Variants in CNTN4 observed in about 807,000 individuals in gnomAD.
CNTN4 encodes the protein contactin 4.
Under a neutral mutation model 122.5 loss-of-function variants are expected in CNTN4, and 77 were observed. That is an observed-to-expected ratio of 0.63 (90% confidence interval 0.52 to 0.76). The LOEUF is 0.76. Among genes scored for constraint, CNTN4 ranks in the 30% least tolerant of loss-of-function variants. The probability of loss-of-function intolerance (pLI) is 0.00; values close to 1 mark genes in which losing one functional copy is unlikely to be tolerated. For missense variants in CNTN4, 1,256 were observed against 1,259.1 expected (o/e 1.00, Z 0.04); for synonymous variants, 512 against 447.0 (o/e 1.15, Z -1.83).
chr3:2,198,297 AT>A (rs755883412), intron 2 of CNTN4, among the ~76,000 whole-genome samples: 5 of 152,216 alleles, frequency 3.3e-5, no homozygotes, highest in Admixed American at 6.5e-5. Flanking sequence ...ACAGCAAAAA[AT>A]AATGACTTTG....
At chr3:2,251,982 A>G (rs894025967) in intron 2 of CNTN4, among the ~76,000 whole-genome samples, 1 of 151,926 alleles carries the variant, frequency 6.6e-6, no homozygotes, top group South Asian at 2.1e-4. Flanking sequence ...AGTTTCATTG[A>G]TTTAATTTTA....
rs371157130 is a variant in CNTN4 at position 2,778,077 on chromosome 3, G to A, written c.358+32380G>A. On this transcript the variant is annotated intron_variant, in intron 6 of 24. Coordinates refer to ENST00000418658, the MANE Select transcript of CNTN4 (RefSeq NM_175607.3). ...AAAATACAAAAAATTAGCCGGGCGT[G>A]GTGGCGGGCGCCTGTAGTCCCAGCT... Among the ~76,000 whole-genome samples the A allele has an allele frequency of 2.4e-4, 35 of 147,350 alleles. 1 individual carries two copies. The East Asian group carries it at 4.4e-3, about 19-fold the overall frequency.
intron 6 of CNTN4, among the ~76,000 whole-genome samples, chr3:2,804,901 G>T (rs1011089186): frequency 2.0e-5 from 3 of 152,124 alleles, no homozygotes; most frequent in Non-Finnish European, 4.4e-5. Flanking sequence ...TCGGCCAGGC[G>T]TGGTGGCTCA....
At chr3:2,599,443 T>C (rs1398211001) in intron 4 of CNTN4, among the ~76,000 whole-genome samples, 1 of 152,226 alleles carries the variant, frequency 6.6e-6, no homozygotes, top group Admixed American at 6.5e-5. Context: ...GTGGACCTTT[T>C]ATTCTGATGC....
intron 6 of CNTN4, among the ~76,000 whole-genome samples, chr3:2,764,171 C>T (rs556543725): frequency 1.3e-5 from 2 of 152,220 alleles, no homozygotes; most frequent in East Asian, 1.9e-4. Flanking sequence ...CTCATCTTAA[C>T]TAGTTCATGT....
intron 3 of CNTN4, among the ~76,000 whole-genome samples, chr3:2,453,672 A>T (rs1357016507): frequency 6.6e-6 from 1 of 152,176 alleles, no homozygotes; most frequent in Non-Finnish European, 1.5e-5. Flanking sequence ...TATCTATGGG[A>T]TATCAATTCT....
In CNTN4 at chr3:2,571,536, A is replaced by T; in HGVS notation, c.33A>T (p.Gln11His). 1 of 1,613,914 alleles carries T rather than the reference A, an allele frequency of 6.2e-7. No individual in the cohort carries two copies. The highest frequency in any genetic ancestry group is 2.2e-5 in the East Asian group (1 of 44,872). The stretch of plus-strand genomic sequence containing the variant: ...TGCCATGGGAACTGCTGGTACTGCA[A>T]TCATTCATTTTGTGCCTTGCAGGTA... MRLPWELLVL[Q>H]SFILCLADDS... Residue 11 changes from glutamine to histidine, a missense_variant, in exon 4 of 25, where the codon CAA becomes CAT. Transcript: ENST00000418658.
At chr3:2,365,511 A>C (rs2045343523) in intron 3 of CNTN4, among the ~76,000 whole-genome samples, 1 of 152,214 alleles carries the variant, frequency 6.6e-6, no homozygotes, top group Non-Finnish European at 1.5e-5. Flanking sequence ...CACAGTTAAT[A>C]ATAAAGGAAC....
intron 2 of CNTN4, among the ~76,000 whole-genome samples, chr3:2,126,688 G>A (rs58246392): frequency 0.02 from 2,992 of 152,178 alleles, 68 homozygotes; most frequent in African/African-American, 0.057. Flanking sequence ...AGTTGAGAGG[G>A]GGTGAGGAGA....
intron 3 of CNTN4, among the ~76,000 whole-genome samples, chr3:2,414,840 A>T (rs1392753482): frequency 1.3e-5 from 2 of 152,330 alleles, no homozygotes; most frequent in African/African-American, 4.8e-5. Context: ...AATATTTCAG[A>T]TCAATTATAC....
chr3:2,769,521 G>A (rs1173468575), intron 6 of CNTN4, among the ~76,000 whole-genome samples: 2 of 151,670 alleles, frequency 1.3e-5, no homozygotes, highest in Non-Finnish European at 2.9e-5. Flanking sequence ...TTAAAGGACA[G>A]TTTTTCTGTT....
chr3:2,177,772 C>A (rs567863245), intron 2 of CNTN4, among the ~76,000 whole-genome samples: 1 of 151,906 alleles, frequency 6.6e-6, no homozygotes, highest in East Asian at 1.9e-4. Flanking sequence ...GGAGAATAAT[C>A]TCCTTTACTT....
At chr3:2,559,261 C>G (rs561993672) in intron 3 of CNTN4, among the ~76,000 whole-genome samples, 2 of 152,082 alleles carry the variant, frequency 1.3e-5, no homozygotes, top group African/African-American at 4.8e-5. Flanking sequence ...ATGAAGTACC[C>G]CACCATTGCA....
chr3:2,466,970 C>CTTTTTTTT (rs60879017), intron 3 of CNTN4, among the ~76,000 whole-genome samples: 647 of 115,524 alleles, frequency 5.6e-3, no homozygotes, highest in Middle Eastern at 0.011. Flanking sequence ...TTCTTTCTTT[C>CTTTTTTTT]TTTTTTTTTT....
At chr3:2,636,786 A>C (rs1157882320) in intron 4 of CNTN4, among the ~76,000 whole-genome samples, 1 of 152,194 alleles carries the variant, frequency 6.6e-6, no homozygotes, top group African/African-American at 2.4e-5. Flanking sequence ...GCTGAAGGAC[A>C]AAACAGTATT....
chr3:2,721,774 C>T (rs1271838057), intron 4 of CNTN4, among the ~76,000 whole-genome samples: 1 of 152,128 alleles, frequency 6.6e-6, no homozygotes, highest in Non-Finnish European at 1.5e-5. Context: ...GAAAGGACTT[C>T]ACTGTCAACT....
At chr3:2,520,256 T>C (rs1575832320) in intron 3 of CNTN4, among the ~76,000 whole-genome samples, 1 of 138,386 alleles carries the variant, frequency 7.2e-6, no homozygotes. Context: ...TGGTGATTGC[T>C]TCCTTTTTTT....
intron 14 of CNTN4, among the ~76,000 whole-genome samples, chr3:2,992,687 C>A (rs1188948018): frequency 6.6e-6 from 1 of 152,138 alleles, no homozygotes; most frequent in Non-Finnish European, 1.5e-5. Flanking sequence ...AACCCTCACT[C>A]CTATTGATTA....
chr3:2,917,859 C>T (rs1307152860), intron 12 of CNTN4, among the ~76,000 whole-genome samples: 1 of 152,034 alleles, frequency 6.6e-6, no homozygotes, highest in African/African-American at 2.4e-5. Context: ...GCTACATTAT[C>T]CAAGAGTGCA....
Sources: gnomAD v4.1 joint callset for allele counts (sites outside exome capture counted in the v4.1 genomes callset) on GRCh38, gnomAD v4.1.1 for gene constraint, MANE v1.5 for transcripts, NCBI Gene and HGNC (gene_info 2026-07-23, HGNC 2026-07-21) for gene names.